The following PRKCH variants were observed in gnomAD, a reference collection of about 807,000 sequenced individuals.
PRKCH encodes the protein protein kinase C eta type.
In PRKCH, 28 loss-of-function variants were observed where a neutral mutation model predicts 82.5. That is an observed-to-expected ratio of 0.34 (90% confidence interval 0.25 to 0.47). PRKCH has a LOEUF of 0.47. PRKCH is among the 20% of genes least tolerant of loss of function. PRKCH has a pLI of 1.00. For synonymous variants in PRKCH, 322 were observed against 327.4 expected (o/e 0.98, Z 0.18); for missense variants, 705 against 881.8 (o/e 0.80, Z 2.54).
In PRKCH at chr14:61,280,844, C is replaced by T; in HGVS notation, c.-19+93176C>T. ...AGGTACACTGGGCCCTGGAAGAGCT[C>T]GGGCAGCGAGAAGTACCAGGCGCAC... On this transcript the variant is annotated intron_variant, in intron 1 of 3. Transcript: ENST00000555185. The surrounding 1 kb of genome is among the most constrained non-coding windows in gnomAD (Gnocchi z 5.0). 6.4e-7 allele frequency: 1 copy of T among 1,564,948 alleles called. No homozygotes were observed.
chr14:61,522,453 C>T (rs1054179107), intron 10 of PRKCH, among the ~76,000 whole-genome samples: 1 of 152,172 alleles, frequency 6.6e-6, no homozygotes, highest in Non-Finnish European at 1.5e-5. Flanking sequence ...GCTCTCTTCT[C>T]TCGCCACCCA....
At chr14:61,508,436 A>T (rs1887244370) in intron 10 of PRKCH, among the ~76,000 whole-genome samples, 1 of 152,270 alleles carries the variant, frequency 6.6e-6, no homozygotes, top group African/African-American at 2.4e-5. Context: ...ACAGTGATAG[A>T]GGGTGGCTTC....
intron 12 of PRKCH, among the ~76,000 whole-genome samples, chr14:61,534,514 AGTTGAATCCATT>A (rs970663014): frequency 2.0e-5 from 3 of 152,290 alleles, no homozygotes; most frequent in Non-Finnish European, 2.9e-5. Context: ...TCATGTGAAT[AGTTGAATCCATT>A]GGATGGTGTT....
At chr14:61,345,509 C>T (rs948462166) in intron 1 of PRKCH, among the ~76,000 whole-genome samples, 4 of 152,166 alleles carry the variant, frequency 2.6e-5, no homozygotes, top group African/African-American at 7.2e-5. Flanking sequence ...TAACTTGTTC[C>T]TTCTCTCTTA....
At chr14:61,329,996 C>G (rs1415582748) in intron 1 of PRKCH, among the ~76,000 whole-genome samples, 2 of 152,200 alleles carry the variant, frequency 1.3e-5, no homozygotes, top group Non-Finnish European at 2.9e-5. Context: ...AGGTGAGCAT[C>G]CAGCCACCAA....
chr14:61,457,243 G>A lies in PRKCH; in HGVS notation c.1028G>A (p.Gly343Glu), dbSNP rs138741551. The change falls in exon 8 of 14, where the codon GGG (glycine) becomes GAG (glutamate). Residue 343 changes from glycine to glutamate, a missense_variant. By Grantham distance (98) the Gly-to-Glu change is moderately conservative. Around this residue, in one of 5 missense-constraint regions of PRKCH, gnomAD observed 238 missense variants for 258.1 expected, o/e 0.92. Coordinates refer to ENST00000332981, the MANE Select transcript of PRKCH (RefSeq NM_006255.5). ...AGCAGCAAAGAAGGAAATGGGATTG[G>A]GGTTAATTCTTCCAACCGACTTGGT... ...KESSKEGNGI[G>E]VNSSNRLGID... 5.0e-6 allele frequency: 8 copies of A among 1,614,070 alleles called. No homozygotes were observed. Among genetic ancestry groups the A allele is most frequent in the Admixed American group, 1.7e-5 (1 of 60,000 alleles).
intron 1 of PRKCH, among the ~76,000 whole-genome samples, chr14:61,331,005 T>G (rs904516804): frequency 2.9e-4 from 44 of 152,146 alleles, no homozygotes; most frequent in African/African-American, 1.1e-3. Context: ...AGTTTACGAA[T>G]CTGTGTTGGG....
intron 1 of PRKCH, among the ~76,000 whole-genome samples, chr14:61,325,522 T>G (rs1417436177): frequency 1.3e-5 from 2 of 152,188 alleles, no homozygotes; most frequent in Non-Finnish European, 2.9e-5. Context: ...GAAACTTCTA[T>G]AAGAAAACAA....
chr14:61,452,948 T>C, intron 6 of PRKCH: 1 of 437,484 alleles, frequency 2.3e-6, no homozygotes, highest in Non-Finnish European at 4.1e-6. Context: ...CTGTTACATG[T>C]GATTTAGATG....
chr14:61,202,435 A>G (rs1376345484), intron 1 of PRKCH, among the ~76,000 whole-genome samples: 1 of 152,204 alleles, frequency 6.6e-6, no homozygotes, highest in Non-Finnish European at 1.5e-5. Context: ...AGAAATGGGT[A>G]CACAATTTTG....
In PRKCH at chr14:61,505,395, C is replaced by CTTTTTTTTTTTTTTTTT. The variant is rs60304150; in HGVS notation, c.1433+19752_1433+19768dup. Among the ~76,000 whole-genome samples, 38 of 55,762 alleles carry CTTTTTTTTTTTTTTTTT rather than the reference C, an allele frequency of 6.8e-4. 2 individuals carry two copies. The highest frequency in any genetic ancestry group is 2.3e-3 in the South Asian group (2 of 852). The allele number at this position is 55,762 out of a possible 152,430, so 36.6% of individuals were successfully genotyped here. On this transcript the variant is annotated intron_variant, in intron 10 of 13. Coordinates refer to ENST00000332981, the MANE Select transcript of PRKCH (RefSeq NM_006255.5). Reference sequence around the variant, plus strand: ...TTTGTCTTTTCTTTTCTTTTCTTTTCTTTTTTTTTTTTTTTTTTTTTTTTT... The same window carrying CTTTTTTTTTTTTTTTTT: ...TTTGTCTTTTCTTTTCTTTTCTTTTCTTTTTTTTTTTTTTTTTTTTTTTTTTTTTTTTTTTTTTTTTT...
chr14:61,252,586 A>T (rs1259936541), intron 1 of PRKCH, among the ~76,000 whole-genome samples: 1 of 152,226 alleles, frequency 6.6e-6, no homozygotes, highest in Non-Finnish European at 1.5e-5. Flanking sequence ...AAATGGAAAC[A>T]GAGGCAACGT....
At chr14:61,245,627 T>A (rs79723417) in intron 1 of PRKCH, among the ~76,000 whole-genome samples, 6,407 of 130,930 alleles carry the variant, frequency 0.049, 311 homozygotes, top group African/African-American at 0.13. Flanking sequence ...TAAGTAGGCA[T>A]TTTAGTAAAG....
At chr14:61,405,380 CTTTT>C (rs55977918) in intron 2 of PRKCH, among the ~76,000 whole-genome samples, 1 of 145,372 alleles carries the variant, frequency 6.9e-6, no homozygotes, top group Non-Finnish European at 1.5e-5. Flanking sequence ...ATCTTCTGCT[CTTTT>C]TTTTTTTTTT....
intron 1 of PRKCH, among the ~76,000 whole-genome samples, chr14:61,227,070 C>G (rs1449526744): frequency 1.3e-5 from 2 of 152,108 alleles, no homozygotes; most frequent in Admixed American, 1.3e-4. Context: ...TTGCAAGGCC[C>G]GGAGAGAATA....
chr14:61,401,943 A>C (rs1881645820), intron 2 of PRKCH, among the ~76,000 whole-genome samples: 1 of 152,246 alleles, frequency 6.6e-6, no homozygotes, highest in African/African-American at 2.4e-5. Flanking sequence ...TGTCTAAAAA[A>C]CGAATGAACT....
chr14:61,462,162 T>A (rs1278499917), intron 9 of PRKCH, among the ~76,000 whole-genome samples: 1 of 152,118 alleles, frequency 6.6e-6, no homozygotes, highest in Non-Finnish European at 1.5e-5. Context: ...GAGGCCGAGG[T>A]GGGGCAATCA....
intron 1 of PRKCH, among the ~76,000 whole-genome samples, chr14:61,345,613 T>C (rs954050099): frequency 1.3e-5 from 2 of 152,346 alleles, no homozygotes; most frequent in Admixed American, 6.5e-5. Context: ...AGATACACAA[T>C]AAGGATTAAT....
intron 2 of PRKCH, among the ~76,000 whole-genome samples, chr14:61,439,093 T>G (rs1282486060): frequency 6.6e-6 from 1 of 151,418 alleles, no homozygotes; most frequent in Admixed American, 6.6e-5. Context: ...CAGAGCATGT[T>G]AGGGTTGCCT....
Sources: gnomAD v4.1 joint callset for allele counts (sites outside exome capture counted in the v4.1 genomes callset) on GRCh38, gnomAD v4.1.1 for gene constraint, gnomAD v4.1.1 regional missense constraint, Gnocchi (gnomAD v3.1) non-coding constraint, MANE v1.5 for transcripts, NCBI Gene and HGNC (gene_info 2026-07-23, HGNC 2026-07-21) for gene names.